The following ANO4 variants were observed in gnomAD, a reference collection of about 807,000 sequenced individuals.
ANO4 encodes anoctamin 4.
A neutral mutation model predicts 141.9 loss-of-function variants in ANO4; 69 were observed. The observed-to-expected ratio is 0.49, with a 90% CI of 0.40 to 0.59. The LOEUF is 0.59. Among genes scored for constraint, ANO4 ranks in the 20% least tolerant of loss-of-function variants. ANO4 has a pLI of 0.00. For synonymous variants in ANO4, 350 were observed against 394.3 expected (o/e 0.89, Z 1.33); for missense variants, 894 against 1,162.2 (o/e 0.77, Z 3.36).
At chr12:101,055,258 T>G (rs1321081746) in intron 14 of ANO4, among the ~76,000 whole-genome samples, 2 of 152,216 alleles carry the variant, frequency 1.3e-5, no homozygotes, top group East Asian at 3.8e-4. Context: ...AGAAATTGTT[T>G]CCCAAAGTGG....
intron 3 of ANO4, among the ~76,000 whole-genome samples, chr12:100,787,055 T>C (rs753547355): frequency 1.3e-5 from 2 of 152,200 alleles, no homozygotes; most frequent in Non-Finnish European, 2.9e-5. Context: ...AGTCTTTTTA[T>C]AATCACGTAT....
Position 100,764,931 on chromosome 12 carries a change from G to A in ANO4, c.358+24826G>A, listed in dbSNP as rs549496347. On this transcript the variant is annotated intron_variant, in intron 3 of 29. Coordinates refer to the ANO4 transcript ENST00000644049. ...TATTGGCCTGCAATATTCTTTTCTT[G>A]TAGTGTCCTCATCTGGCTTTGGTAT... Among the ~76,000 whole-genome samples, 3 of 152,252 alleles carry A rather than the reference G, an allele frequency of 2.0e-5. No homozygotes were observed. The East Asian group carries it at 5.8e-4, about 29-fold the overall frequency.
chr12:101,010,791 C>T (rs1300562662), intron 8 of ANO4, among the ~76,000 whole-genome samples: 1 of 152,146 alleles, frequency 6.6e-6, no homozygotes, highest in Non-Finnish European at 1.5e-5. Flanking sequence ...TATGGAATAA[C>T]ACAACTTTAA....
At chr12:100,786,353 T>TG (rs147712570) in intron 3 of ANO4, among the ~76,000 whole-genome samples, 7,101 of 152,048 alleles carry the variant, frequency 0.047, 183 homozygotes, top group Non-Finnish European at 0.066. Flanking sequence ...TAGGAAAAGG[T>TG]GGGGGGGAAT....
chr12:101,036,774 G>GC (rs1390779827), intron 9 of ANO4, among the ~76,000 whole-genome samples: 9 of 152,308 alleles, frequency 5.9e-5, no homozygotes, highest in Admixed American at 3.9e-4. Flanking sequence ...CTAATGTACA[G>GC]CATGGGTGGA....
chr12:100,787,098 G>T (rs1264104936), intron 3 of ANO4, among the ~76,000 whole-genome samples: 2 of 152,126 alleles, frequency 1.3e-5, no homozygotes, highest in Admixed American at 1.3e-4. Context: ...TATCTCTTGG[G>T]ATACAAAGAT....
chr12:101,038,216 G>A (rs1176238292), intron 10 of ANO4, among the ~76,000 whole-genome samples: 1 of 152,202 alleles, frequency 6.6e-6, no homozygotes, highest in Non-Finnish European at 1.5e-5. Context: ...GTTTGCTAGA[G>A]CCATACGCAG....
chr12:101,075,812 CA>C (rs1183798433), intron 14 of ANO4, among the ~76,000 whole-genome samples: 1 of 151,488 alleles, frequency 6.6e-6, no homozygotes, highest in East Asian at 1.9e-4. Context: ...TGACATAAGA[CA>C]GTGTATAACT....
chr12:100,826,368 G>C (rs1214833292), intron 1 of ANO4, among the ~76,000 whole-genome samples: 4 of 152,180 alleles, frequency 2.6e-5, no homozygotes, highest in Non-Finnish European at 4.4e-5. Context: ...ATATAATAGT[G>C]ATTTGATGGA....
At chr12:100,889,644 ATCATCAC>A (rs1275411234) in intron 1 of ANO4, among the ~76,000 whole-genome samples, 2 of 152,246 alleles carry the variant, frequency 1.3e-5, no homozygotes, top group Non-Finnish European at 2.9e-5. Flanking sequence ...AAAAATGCTC[ATCATCAC>A]TGGCCATCAG....
intron 3 of ANO4, among the ~76,000 whole-genome samples, chr12:100,762,388 A>G (rs2032904892): frequency 6.6e-6 from 1 of 152,194 alleles, no homozygotes; most frequent in Non-Finnish European, 1.5e-5. Flanking sequence ...ATTTGAGCCA[A>G]TAGAGCAACC....
At chr12:100,988,885 A>G (rs1383244917) in intron 8 of ANO4, among the ~76,000 whole-genome samples, 13 of 119,924 alleles carry the variant, frequency 1.1e-4, no homozygotes, top group South Asian at 3.0e-4. Context: ...AAAAAAAAAA[A>G]AAAGAAAGAA....
intron 14 of ANO4, among the ~76,000 whole-genome samples, chr12:101,056,536 AAAAT>A (rs1302058647): frequency 1.3e-5 from 2 of 152,128 alleles, no homozygotes; most frequent in African/African-American, 2.4e-5. Flanking sequence ...AGAAATTTAT[AAAAT>A]AAATAAGTTT....
At chr12:101,120,869 T>C (rs555174417) in intron 26 of ANO4, among the ~76,000 whole-genome samples, 1 of 152,342 alleles carries the variant, frequency 6.6e-6, no homozygotes, top group East Asian at 1.9e-4. Flanking sequence ...CTCCTAAATG[T>C]AATTTTCTGG....
chr12:100,827,131 G>A (rs2036391992), intron 1 of ANO4, among the ~76,000 whole-genome samples: 1 of 152,010 alleles, frequency 6.6e-6, no homozygotes. Flanking sequence ...TTCTGCTTTA[G>A]TCAGATAGTA....
chr12:101,000,371 A>G (rs563926527), intron 8 of ANO4, among the ~76,000 whole-genome samples: 1 of 152,306 alleles, frequency 6.6e-6, no homozygotes, highest in Admixed American at 6.5e-5. Flanking sequence ...CTCAGCATAG[A>G]TATCGGAAGA....
At chr12:101,102,896 T>C (rs910043841) in intron 22 of ANO4, among the ~76,000 whole-genome samples, 2 of 151,930 alleles carry the variant, frequency 1.3e-5, no homozygotes, top group Admixed American at 1.3e-4. Flanking sequence ...GCAATACTTT[T>C]TGTAGATTTT....
Position 100,959,115 on chromosome 12 carries a change from C to CAT in ANO4, c.457-12190_457-12189insTA, listed in dbSNP as rs1263786160. On this transcript the variant is annotated intron_variant, in intron 5 of 27. Coordinates refer to ENST00000392977, the MANE Select transcript of ANO4 (RefSeq NM_001286615.2). The stretch of plus-strand genomic sequence containing the variant: ...CCTCATCCCTCTCAACCCCCCTCCA[C>CAT]AGACACACACACACAGTTCTGCTGA... 5.9e-5 allele frequency among the ~76,000 whole-genome samples: 9 copies of CAT among 151,922 alleles called. No homozygotes were observed. The East Asian group carries it at 1.8e-3, about 30-fold the overall frequency.
chr12:100,814,056 C>T (rs2035592830), intron 1 of ANO4, among the ~76,000 whole-genome samples: 1 of 152,124 alleles, frequency 6.6e-6, no homozygotes, highest in Admixed American at 6.6e-5. Flanking sequence ...CCTCCCTGTT[C>T]TTACCACTAC....
Sources: gnomAD v4.1 joint callset for allele counts (sites outside exome capture counted in the v4.1 genomes callset) on GRCh38, gnomAD v4.1.1 for gene constraint, MANE v1.5 for transcripts, NCBI Gene and HGNC (gene_info 2026-07-23, HGNC 2026-07-21) for gene names.